Variants in MARCHF1 observed in about 807,000 individuals in gnomAD.
MARCHF1 encodes membrane associated ring-CH-type finger 1, also known as E3 ubiquitin-protein ligase MARCHF1.
In MARCHF1, 40 loss-of-function variants were observed where a neutral mutation model predicts 54.2. The ratio of observed to expected loss-of-function variants is 0.74; its 90% CI spans 0.57 to 0.96. The LOEUF (loss-of-function observed/expected upper bound fraction) is 0.96, where lower values mean the gene tolerates loss of function less well. Among genes scored for constraint, MARCHF1 ranks in the 40% least tolerant of loss-of-function variants. The pLI is 0.00. For missense variants in MARCHF1, 586 were observed against 656.5 expected, an observed-to-expected ratio of 0.89 and a Z score of 1.17; for synonymous variants, 236 against 236.3, an observed-to-expected ratio of 1.00 and a Z score of 0.01.
At chr4:164,248,326 C>T (rs944356555) in intron 1 of MARCHF1, among the ~76,000 whole-genome samples, 2 of 152,008 alleles carry the variant, frequency 1.3e-5, no homozygotes, top group Non-Finnish European at 2.9e-5. Flanking sequence ...AAAATATATG[C>T]ACCAATCCCA....
At chr4:163,849,357 C>A (rs1235565605) in intron 4 of MARCHF1, among the ~76,000 whole-genome samples, 2 of 39,242 alleles carry the variant, frequency 5.1e-5, no homozygotes, top group African/African-American at 8.4e-5. Context: ...TAATAATCAG[C>A]CACCATCATT....
chr4:163,592,164 A>G (rs529709314), intron 7 of MARCHF1, among the ~76,000 whole-genome samples: 2 of 152,284 alleles, frequency 1.3e-5, no homozygotes, highest in South Asian at 4.1e-4. Context: ...AAGAATAAAA[A>G]TATTTTACCA....
In MARCHF1 at chr4:164,047,091, G is replaced by T. The variant is rs1754258345; in HGVS notation, c.-247-58382C>A. Among the ~76,000 whole-genome samples, 3 of 152,106 alleles carry T rather than the reference G, an allele frequency of 2.0e-5. 1 individual carries two copies. The highest frequency in any genetic ancestry group is 6.6e-5 in the Admixed American group (1 of 15,258). ...CTTATATTTGAAATAAACAAAATTT[G>T]CTAAGGATATATCCAAATAAATTTT... On this transcript the variant is annotated intron_variant, in intron 2 of 9. Coordinates refer to ENST00000514618, the MANE Select transcript of MARCHF1 (RefSeq NM_001394959.1).
At chr4:163,685,515 C>G (rs953896987) in intron 5 of MARCHF1, among the ~76,000 whole-genome samples, 1 of 152,054 alleles carries the variant, frequency 6.6e-6, no homozygotes, top group East Asian at 1.9e-4. Context: ...AGTGCAGTAG[C>G]GTGAACTCAG....
intron 4 of MARCHF1, among the ~76,000 whole-genome samples, chr4:163,793,568 T>C (rs1747828241): frequency 6.6e-6 from 1 of 152,054 alleles, no homozygotes; most frequent in African/African-American, 2.4e-5. Context: ...CCTCATATTG[T>C]CTTATGCCCA....
chr4:163,683,915 T>C (rs913604638), intron 5 of MARCHF1, among the ~76,000 whole-genome samples: 4 of 151,946 alleles, frequency 2.6e-5, no homozygotes, highest in Admixed American at 2.6e-4. Context: ...ACTCACTCAC[T>C]CACTCACTCA....
At chr4:163,733,197 A>ACACG (rs1554008827) in intron 4 of MARCHF1, among the ~76,000 whole-genome samples, 1 of 32,316 alleles carries the variant, frequency 3.1e-5, no homozygotes, top group African/African-American at 9.2e-5. Context: ...ATATATATAT[A>ACACG]TATATATATA....
At chr4:163,927,309 AAG>A (rs1220568183) in intron 3 of MARCHF1, among the ~76,000 whole-genome samples, 1 of 151,786 alleles carries the variant, frequency 6.6e-6, no homozygotes, top group Non-Finnish European at 1.5e-5. Flanking sequence ...TTGCAGCTGA[AAG>A]AGTTTCAATT....
At chr4:163,642,877 A>G (rs1440394679) in intron 5 of MARCHF1, among the ~76,000 whole-genome samples, 1 of 152,188 alleles carries the variant, frequency 6.6e-6, no homozygotes, top group Non-Finnish European at 1.5e-5. Context: ...TTAGATTAAA[A>G]TAAGAAAATA....
chr4:163,682,564 C>T (rs1744139981), intron 5 of MARCHF1, among the ~76,000 whole-genome samples: 1 of 152,156 alleles, frequency 6.6e-6, no homozygotes, highest in Admixed American at 6.5e-5. Context: ...GCTTCAGGTT[C>T]AGCCATGGTT....
chr4:164,073,511 G>A (rs920647044), intron 2 of MARCHF1, among the ~76,000 whole-genome samples: 3 of 151,992 alleles, frequency 2.0e-5, no homozygotes, highest in Non-Finnish European at 1.5e-5. Context: ...TGGGGGGCAG[G>A]GGGAGGGATA....
chr4:163,834,122 A>G (rs576844847), intron 4 of MARCHF1, among the ~76,000 whole-genome samples: 1 of 152,354 alleles, frequency 6.6e-6, no homozygotes, highest in East Asian at 1.9e-4. Flanking sequence ...CAAAAATAAA[A>G]CAAGACAAAA....
intron 2 of MARCHF1, among the ~76,000 whole-genome samples, chr4:163,997,736 G>A (rs926876725): frequency 1.3e-5 from 2 of 151,846 alleles, no homozygotes; most frequent in Non-Finnish European, 2.9e-5. Flanking sequence ...TGCTGCTGTT[G>A]ATGGTTTACC....
intron 4 of MARCHF1, among the ~76,000 whole-genome samples, chr4:163,735,464 A>G (rs909281335): frequency 6.6e-6 from 1 of 152,154 alleles, no homozygotes; most frequent in Non-Finnish European, 1.5e-5. Context: ...TTGTGTTGCT[A>G]TAACAGAGTA....
chr4:164,208,871 C>T (rs972463509), intron 1 of MARCHF1, among the ~76,000 whole-genome samples: 3 of 152,092 alleles, frequency 2.0e-5, no homozygotes, highest in African/African-American at 4.8e-5. Flanking sequence ...AACACTTGAC[C>T]CCCAGGAGGT....
intron 3 of MARCHF1, among the ~76,000 whole-genome samples, chr4:163,924,687 G>A (rs917486663): frequency 4.0e-5 from 6 of 151,790 alleles, no homozygotes; most frequent in African/African-American, 1.5e-4. Context: ...GAGAAAATAG[G>A]GATAGAGAGG....
intron 1 of MARCHF1, among the ~76,000 whole-genome samples, chr4:164,195,339 A>C (rs1228967824): frequency 6.6e-6 from 1 of 152,190 alleles, no homozygotes; most frequent in Middle Eastern, 3.2e-3. Context: ...TGCTACTATA[A>C]AAAAGGATTA....
At chr4:163,658,068 C>A (rs554648980) in intron 5 of MARCHF1, among the ~76,000 whole-genome samples, 2 of 151,998 alleles carry the variant, frequency 1.3e-5, no homozygotes, top group Admixed American at 1.3e-4. Context: ...TCTAATTAAA[C>A]CAAATAGCTT....
At chr4:163,890,135 C>T (rs1207587970) in intron 3 of MARCHF1, among the ~76,000 whole-genome samples, 9 of 150,516 alleles carry the variant, frequency 6.0e-5, no homozygotes, top group South Asian at 2.1e-4. Context: ...AGGGTTTCAC[C>T]GTGTTAGCCA....
Sources: allele counts gnomAD v4.1 joint callset (sites outside exome capture counted in the v4.1 genomes callset), GRCh38; gene constraint gnomAD v4.1.1; transcripts MANE v1.5; gene names NCBI Gene and HGNC (gene_info 2026-07-23, HGNC 2026-07-21).